FSIP1: variants seen among roughly 807,000 people sequenced by gnomAD.
FSIP1 encodes the protein fibrous sheath-interacting protein 1.
Under a neutral mutation model 60.9 loss-of-function variants are expected in FSIP1, and 65 were observed. The ratio of observed to expected loss-of-function variants is 1.07; its 90% CI spans 0.87 to 1.31. The LOEUF (loss-of-function observed/expected upper bound fraction) is 1.31. FSIP1 is among the 40% of genes most tolerant of loss of function. FSIP1 has a pLI of 0.00. For missense variants in FSIP1, 675 were observed against 665.5 expected, an observed-to-expected ratio of 1.01 and a Z score of -0.16; for synonymous variants, 209 against 221.2, an observed-to-expected ratio of 0.94 and a Z score of 0.49.
intron 11 of FSIP1, among the ~76,000 whole-genome samples, chr15:39,602,589 G>C (rs1018596879): frequency 6.6e-6 from 1 of 152,178 alleles, no homozygotes; most frequent in Non-Finnish European, 1.5e-5. Context: ...TCAACACATG[G>C]AGAAGAAATA....
intron 11 of FSIP1, among the ~76,000 whole-genome samples, chr15:39,604,991 A>C (rs1241687743): frequency 6.6e-6 from 1 of 152,216 alleles, no homozygotes; most frequent in Non-Finnish European, 1.5e-5. Flanking sequence ...GACTAAGGAC[A>C]TATACCAACA....
At position 39,711,754 on chromosome 15, in the gene FSIP1, G is replaced by A. The variant is rs374156432; in HGVS notation, c.1188+1690C>T. On this transcript the variant is annotated intron_variant, in intron 10 of 11. Coordinates refer to ENST00000350221, the MANE Select transcript of FSIP1 (RefSeq NM_152597.5). ...CTGGAGTGTGCAGTGGCGCAATCTCGGCTCACTGCAATCTCTGCCTCCTGG... is the reference window on the plus strand; with the variant it reads ...CTGGAGTGTGCAGTGGCGCAATCTCAGCTCACTGCAATCTCTGCCTCCTGG... 1.3e-4 allele frequency among the ~76,000 whole-genome samples: 16 copies of A among 125,772 alleles called. No individual in the cohort carries two copies. In the East Asian group the frequency reaches 2.5e-3, roughly 20 times the overall value. The allele number at this position is 125,772 out of a possible 152,430, so 82.5% of individuals were successfully genotyped here.
intron 10 of FSIP1, among the ~76,000 whole-genome samples, chr15:39,645,219 A>C (rs1379644789): frequency 6.6e-6 from 1 of 152,238 alleles, no homozygotes; most frequent in African/African-American, 2.4e-5. Context: ...TGTGGAAAAC[A>C]GTATGAAGGA....
At chr15:39,624,506 A>G (rs1446105079) in intron 10 of FSIP1, among the ~76,000 whole-genome samples, 1 of 152,214 alleles carries the variant, frequency 6.6e-6, no homozygotes, top group East Asian at 1.9e-4. Flanking sequence ...CACTTGCTAT[A>G]GCTCTTTTGG....
chr15:39,642,016 AT>A (rs1344530696), intron 10 of FSIP1, among the ~76,000 whole-genome samples: 1 of 152,122 alleles, frequency 6.6e-6, no homozygotes, highest in East Asian at 1.9e-4. Flanking sequence ...ATCAACCTTC[AT>A]TTTTTGACCT....
At chr15:39,767,567 C>T (rs1243432356) in intron 3 of FSIP1, among the ~76,000 whole-genome samples, 1 of 152,224 alleles carries the variant, frequency 6.6e-6, no homozygotes, top group East Asian at 1.9e-4. Context: ...TTTCCAAGCC[C>T]AGTCTGGCCT....
chr15:39,690,811 C>A (rs1259313041), intron 10 of FSIP1, among the ~76,000 whole-genome samples: 6 of 152,154 alleles, frequency 3.9e-5, no homozygotes, highest in Admixed American at 3.9e-4. Flanking sequence ...GTCAAAGGAT[C>A]GATACTGTGC....
At chr15:39,603,337 A>G (rs1890708021) in intron 11 of FSIP1, among the ~76,000 whole-genome samples, 2 of 152,184 alleles carry the variant, frequency 1.3e-5, no homozygotes, top group Admixed American at 1.3e-4. Context: ...CTGCTGCCAG[A>G]ACCCACCCCT....
intron 10 of FSIP1, among the ~76,000 whole-genome samples, chr15:39,684,357 C>G (rs184470245): frequency 6.6e-6 from 1 of 152,232 alleles, no homozygotes; most frequent in African/African-American, 2.4e-5. Context: ...TATTAAAAGG[C>G]TGGAGAACAG....
At chr15:39,683,969 T>C (rs1307336008) in intron 10 of FSIP1, among the ~76,000 whole-genome samples, 2 of 152,230 alleles carry the variant, frequency 1.3e-5, no homozygotes, top group African/African-American at 2.4e-5. Context: ...GCATACCATG[T>C]TGATGAATTG....
chr15:39,696,814 G>A (rs1894830608), intron 10 of FSIP1, among the ~76,000 whole-genome samples: 1 of 151,278 alleles, frequency 6.6e-6, no homozygotes, highest in Non-Finnish European at 1.5e-5. Context: ...AGGAAGGAAG[G>A]AGAGGAGAGG....
At chr15:39,781,640 A>G (rs933355027) in intron 1 of FSIP1, among the ~76,000 whole-genome samples, 5 of 152,240 alleles carry the variant, frequency 3.3e-5, no homozygotes, top group Non-Finnish European at 7.3e-5. Context: ...ACTCAGCAAC[A>G]TAAAGGAACA....
intron 10 of FSIP1, among the ~76,000 whole-genome samples, chr15:39,653,067 T>C (rs1197200066): frequency 6.6e-6 from 1 of 151,100 alleles, no homozygotes; most frequent in Non-Finnish European, 1.5e-5. Context: ...TCCCAGCTAC[T>C]TGGGAGGCTG....
intron 10 of FSIP1, among the ~76,000 whole-genome samples, chr15:39,674,244 C>T (rs1191745681): frequency 6.6e-6 from 1 of 152,026 alleles, no homozygotes; most frequent in Non-Finnish European, 1.5e-5. Context: ...TTAGTAGAGA[C>T]AGGGTTTCAC....
chr15:39,755,077 A>T (rs551847426), intron 5 of FSIP1, among the ~76,000 whole-genome samples: 1 of 152,036 alleles, frequency 6.6e-6, no homozygotes, highest in Non-Finnish European at 1.5e-5. Flanking sequence ...AAAAAAAAAA[A>T]TGAGGAAAAA....
At chr15:39,687,561 T>TC (rs1431487144) in intron 10 of FSIP1, among the ~76,000 whole-genome samples, 1 of 152,188 alleles carries the variant, frequency 6.6e-6, no homozygotes, top group Non-Finnish European at 1.5e-5. Flanking sequence ...CCCATCTGGT[T>TC]CCCTGGCACT....
At chr15:39,694,709 A>C (rs1463140584) in intron 10 of FSIP1, among the ~76,000 whole-genome samples, 1 of 152,046 alleles carries the variant, frequency 6.6e-6, no homozygotes, top group Non-Finnish European at 1.5e-5. Flanking sequence ...CCGAGGCAGG[A>C]AAATCGCTTA....
At chr15:39,612,153 T>C (rs1891059982) in intron 11 of FSIP1, among the ~76,000 whole-genome samples, 1 of 152,094 alleles carries the variant, frequency 6.6e-6, no homozygotes, top group African/African-American at 2.4e-5. Context: ...ACACTTTAAA[T>C]CAAATGGACC....
chr15:39,679,715 C>T (rs1013283626), intron 10 of FSIP1, among the ~76,000 whole-genome samples: 11 of 152,088 alleles, frequency 7.2e-5, no homozygotes, highest in African/African-American at 1.7e-4. Flanking sequence ...AATATTTATG[C>T]TAAAGCATTT....
Sources: allele counts gnomAD v4.1 joint callset (sites outside exome capture counted in the v4.1 genomes callset), GRCh38; gene constraint gnomAD v4.1.1; transcripts MANE v1.5; gene names NCBI Gene and HGNC (gene_info 2026-07-23, HGNC 2026-07-21).